RAI14: variants seen among roughly 807,000 people sequenced by gnomAD.
RAI14 encodes retinoic acid induced 14, also known as ankycorbin.
A neutral mutation model predicts 115.4 loss-of-function variants in RAI14; 45 were observed. The observed-to-expected ratio is 0.39, with a 90% CI of 0.31 to 0.50. RAI14 has a LOEUF of 0.50. Ranked by LOEUF, RAI14 falls within the 20% of genes least tolerant of loss-of-function variation. The pLI is 0.85. For synonymous variants in RAI14, 371 were observed against 415.4 expected, an observed-to-expected ratio of 0.89 and a Z score of 1.30; for missense variants, 939 against 1,131.2, an observed-to-expected ratio of 0.83 and a Z score of 2.44.
chr5:34,748,766 A>G (rs1746620430), intron 2 of RAI14, among the ~76,000 whole-genome samples: 1 of 152,066 alleles, frequency 6.6e-6, no homozygotes, highest in African/African-American at 2.4e-5. Context: ...GTTCAAGATC[A>G]GCCTGGGCAA....
chr5:34,740,172 A>T (rs756887294), intron 2 of RAI14, among the ~76,000 whole-genome samples: 2 of 152,244 alleles, frequency 1.3e-5, no homozygotes, highest in Non-Finnish European at 2.9e-5. Flanking sequence ...TGTGTATAGG[A>T]TGCCCTGGAA....
intron 2 of RAI14, among the ~76,000 whole-genome samples, chr5:34,730,268 G>A (rs1744008012): frequency 6.6e-6 from 1 of 152,160 alleles, no homozygotes; most frequent in African/African-American, 2.4e-5. Context: ...CACAAATGTA[G>A]TACTAGCCAT....
At chr5:34,761,936 A>G (rs1416265457) in intron 3 of RAI14, among the ~76,000 whole-genome samples, 1 of 152,060 alleles carries the variant, frequency 6.6e-6, no homozygotes, top group Non-Finnish European at 1.5e-5. Context: ...CCTTTATTCT[A>G]TTATATCAAA....
intron 3 of RAI14, among the ~76,000 whole-genome samples, chr5:34,762,184 G>T (rs904265332): frequency 6.6e-6 from 1 of 152,160 alleles, no homozygotes; most frequent in Non-Finnish European, 1.5e-5. Context: ...TATCTTATGG[G>T]TAAATTGCTT....
At chr5:34,699,452 A>G (rs1442703516) in intron 2 of RAI14, among the ~76,000 whole-genome samples, 1 of 152,192 alleles carries the variant, frequency 6.6e-6, no homozygotes. Context: ...CTTGGCTTAT[A>G]GGAGCATCAT....
intron 3 of RAI14, among the ~76,000 whole-genome samples, chr5:34,765,213 C>A (rs1247451413): frequency 1.3e-5 from 2 of 152,066 alleles, no homozygotes; most frequent in Admixed American, 1.3e-4. Context: ...TAAATTGGTA[C>A]CAGTAGAGTG....
intron 4 of RAI14, among the ~76,000 whole-genome samples, chr5:34,801,900 C>T (rs950338758): frequency 1.3e-5 from 2 of 151,942 alleles, no homozygotes; most frequent in African/African-American, 4.8e-5. Flanking sequence ...GCAAGACCCC[C>T]AGCTCTACCA....
intron 2 of RAI14, among the ~76,000 whole-genome samples, chr5:34,729,549 T>C (rs1743917013): frequency 6.6e-6 from 1 of 152,228 alleles, no homozygotes; most frequent in Non-Finnish European, 1.5e-5. Context: ...CTACCTTCTA[T>C]GAAGTATTTA....
At chr5:34,721,049 C>A (rs1300763318) in intron 2 of RAI14, among the ~76,000 whole-genome samples, 1 of 151,782 alleles carries the variant, frequency 6.6e-6, no homozygotes. Flanking sequence ...AGGGGAGGAA[C>A]AAAGACCTGC....
intron 2 of RAI14, among the ~76,000 whole-genome samples, chr5:34,727,755 A>G (rs1248547609): frequency 6.6e-6 from 1 of 152,026 alleles, no homozygotes; most frequent in Admixed American, 6.6e-5. Flanking sequence ...AGGTTTGGGA[A>G]CCTCCGCCTA....
intron 3 of RAI14, among the ~76,000 whole-genome samples, chr5:34,786,290 T>C (rs1357868828): frequency 6.6e-6 from 1 of 152,242 alleles, no homozygotes; most frequent in Non-Finnish European, 1.5e-5. Flanking sequence ...GCTGAATTCC[T>C]GCCTGAATAG....
Position 34,808,742 on chromosome 5 carries a change from C to A in RAI14, c.450+88C>A. 5.6e-6 allele frequency: 7 copies of A among 1,246,556 alleles called. No individual in the cohort carries two copies. In the South Asian group the frequency reaches 9.0e-5, roughly 16 times the overall value. 77.2% of individuals were successfully genotyped at this position (1,246,556 alleles called of 1,614,324 possible). A position where few individuals can be genotyped will look rare whatever the true frequency, so the allele number is the denominator to read the frequency against. ...CCTCTAGAGTCACTGAGACTTTAGACTAGCAGTCTCCAACCTTTTTGGCAT... is the reference window on the plus strand; with the variant it reads ...CCTCTAGAGTCACTGAGACTTTAGAATAGCAGTCTCCAACCTTTTTGGCAT... On this transcript the variant is annotated intron_variant, in intron 7 of 17. Coordinates refer to ENST00000265109, the MANE Select transcript of RAI14 (RefSeq NM_015577.3).
At chr5:34,702,111 C>T (rs557841840) in intron 2 of RAI14, among the ~76,000 whole-genome samples, 76 of 152,250 alleles carry the variant, frequency 5.0e-4, no homozygotes, top group Admixed American at 1.0e-3. Context: ...ACCACGCCCG[C>T]CCAAGAGTTC....
chr5:34,756,084 C>T (rs569334903), intron 2 of RAI14, among the ~76,000 whole-genome samples: 4 of 152,294 alleles, frequency 2.6e-5, no homozygotes, highest in African/African-American at 4.8e-5. Flanking sequence ...AGTCCTGAGA[C>T]GTTCAGAGAT....
At position 34,823,044 on chromosome 5, in the gene RAI14, C is replaced by G. The variant is rs141923195; in HGVS notation, c.1202C>G (p.Pro401Arg). Residue 401 changes from proline (P) to arginine (R), a missense_variant, in exon 15 of 18, where the codon CCT (proline) becomes CGT (arginine). By Grantham distance (103) the Pro-to-Arg change is moderately radical (BLOSUM62 -2). Coordinates refer to ENST00000265109, the MANE Select transcript of RAI14 (RefSeq NM_015577.3). The surrounding 1 kb of genome is among the most constrained non-coding windows in gnomAD (Gnocchi z 4.5). ...GACTTGGGCCCATCCCTGGGAAAACCTGGTGAAACCTCTCCCCCAGACTCC... is the reference window on the plus strand; with the variant it reads ...GACTTGGGCCCATCCCTGGGAAAACGTGGTGAAACCTCTCCCCCAGACTCC... Reference protein sequence around the residue: ...QTDLGPSLGKPGETSPPDSKS... With the variant: ...QTDLGPSLGKRGETSPPDSKS... The G allele has an allele frequency of 1.2e-6, 2 of 1,613,526 alleles. No individual in the cohort carries two copies. The highest frequency in any genetic ancestry group is 1.3e-5 in the African/African-American group (1 of 74,900).
At chr5:34,789,236 A>G (rs1752654819) in intron 3 of RAI14, among the ~76,000 whole-genome samples, 1 of 152,136 alleles carries the variant, frequency 6.6e-6, no homozygotes, top group Non-Finnish European at 1.5e-5. Context: ...GGATGCTGAC[A>G]TTTATCAGTC....
intron 1 of RAI14, among the ~76,000 whole-genome samples, chr5:34,679,870 G>A (rs1744264658): frequency 2.0e-5 from 3 of 151,916 alleles, no homozygotes; most frequent in Non-Finnish European, 2.9e-5. Context: ...ACGCTAACCC[G>A]TGTCAGAGAG....
chr5:34,673,696 A>G (rs256289), intron 1 of RAI14, among the ~76,000 whole-genome samples: 125,436 of 152,092 alleles, frequency 0.82, 51,809 homozygotes, highest in South Asian at 0.95. Context: ...GTGCCAAAAG[A>G]GTGTGGCTAT....
At chr5:34,788,503 G>A (rs1752572305) in intron 3 of RAI14, among the ~76,000 whole-genome samples, 1 of 152,032 alleles carries the variant, frequency 6.6e-6, no homozygotes, top group South Asian at 2.1e-4. Flanking sequence ...ATTCATTATT[G>A]TTTCCTTAGA....
Sources: allele counts gnomAD v4.1 joint callset (sites outside exome capture counted in the v4.1 genomes callset), GRCh38; gene constraint gnomAD v4.1.1; non-coding constraint Gnocchi (gnomAD v3.1); transcripts MANE v1.5; gene names NCBI Gene and HGNC (gene_info 2026-07-23, HGNC 2026-07-21).